Variants in ZNF600 observed in about 807,000 individuals in gnomAD.
ZNF600 encodes zinc finger protein 600, also known as zinc finger protein KR-ZNF1.
In ZNF600, 4 loss-of-function variants were observed where a neutral mutation model predicts 7.3. The observed-to-expected ratio is 0.55, with a 90% CI of 0.27 to 1.25. The LOEUF (loss-of-function observed/expected upper bound fraction) is 1.25, where lower values mean the gene tolerates loss of function less well. Among genes scored for constraint, ZNF600 ranks in the 50% most tolerant of loss-of-function variants. The pLI is 0.12. For synonymous variants in ZNF600, 290 were observed against 308.9 expected (o/e 0.94, Z 0.64); for missense variants, 911 against 922.1 (o/e 0.99, Z 0.16).
the ZNF600 span, chr19:52,801,228 C>T: frequency 1.5e-4 from 250 of 1,613,890 alleles, no homozygotes; most frequent in Non-Finnish European, 1.9e-4. Context: ...GTGTACATTC[C>T]GTTTTTGTGT....
At chr19:52,804,343 T>G in the ZNF600 span, among the ~76,000 whole-genome samples, 4 of 152,186 alleles carry the variant, frequency 2.6e-5, no homozygotes, top group Non-Finnish European at 5.9e-5. Flanking sequence ...TCACCCAGGC[T>G]GGAGTGTAGT....
At chr19:52,801,212 T>C in the ZNF600 span, 1 of 1,614,146 alleles carries the variant, frequency 6.2e-7, no homozygotes, top group South Asian at 1.1e-5. Flanking sequence ...AAGATTTTTC[T>C]CTCATGTGTA....
upstream of ZNF600, among the ~76,000 whole-genome samples, chr19:52,791,092 C>G (rs1160834642): frequency 6.6e-6 from 1 of 152,218 alleles, no homozygotes; most frequent in Non-Finnish European, 1.5e-5. Flanking sequence ...CCTTATAGGT[C>G]TCCTTTTCCA....
At chr19:52,809,546 G>T in the ZNF600 span, among the ~76,000 whole-genome samples, 5 of 152,272 alleles carry the variant, frequency 3.3e-5, no homozygotes, top group African/African-American at 1.2e-4. Context: ...GGTGGCTCAC[G>T]CCTGTAATCC....
At chr19:52,811,895 A>T in the ZNF600 span, among the ~76,000 whole-genome samples, 329 of 79,370 alleles carry the variant, frequency 4.1e-3, no homozygotes, top group Middle Eastern at 0.019. Flanking sequence ...GGTGGGGGGG[A>T]CAGCCCCCCG....
At chr19:52,765,419 T>C (rs1175221185) in exon 4 of ZNF600, 15 of 1,085,100 alleles carry the variant, frequency 1.4e-5, no homozygotes. Flanking sequence ...AGTCATGACA[T>C]TTGTAAGGTT....
At chr19:52,787,736 T>G (rs2062777327), upstream of ZNF600, among the ~76,000 whole-genome samples, 1 of 149,858 alleles carries the variant, frequency 6.7e-6, no homozygotes, top group Non-Finnish European at 1.5e-5. Context: ...GGTGGGTGCC[T>G]GTAATCCCAG....
At chr19:52,778,986 G>T in intron 1 of ZNF600, 79 bp from the exon 4 acceptor site, 3 of 1,340,978 alleles carry the variant, frequency 2.2e-6, no homozygotes, top group Non-Finnish European at 3.0e-6. Context: ...GAACAGGGGA[G>T]ACCTCACCCA....
chr19:52,785,182 C>T (rs2147585502), intron 1 of ZNF600, among the ~76,000 whole-genome samples: 1 of 151,992 alleles, frequency 6.6e-6, no homozygotes, highest in East Asian at 1.9e-4. Flanking sequence ...CTGTTTATCC[C>T]CTTCTTCCCT....
At chr19:52,817,980 C>T in the ZNF600 span, 1 of 1,610,902 alleles carries the variant, frequency 6.2e-7, no homozygotes, top group African/African-American at 1.3e-5. Context: ...TTGCTTTCCT[C>T]TTCCTCTTCT....
chr19:52,778,789 A>C, intron 2 of ZNF600, 37 bp downstream of exon 4: 1 of 1,580,794 alleles, frequency 6.3e-7, no homozygotes. Context: ...TCAGAAAGGA[A>C]AGAGACAGAT....
upstream of ZNF600, among the ~76,000 whole-genome samples, chr19:52,787,399 T>A (rs2062773599): frequency 1.4e-5 from 2 of 147,394 alleles, no homozygotes; most frequent in African/African-American, 5.1e-5. Context: ...CTCGCTCTTT[T>A]ACTTTTTTTT....
intron 1 of ZNF600, among the ~76,000 whole-genome samples, chr19:52,783,259 AAAC>A (rs1389407802): frequency 6.6e-6 from 1 of 152,218 alleles, no homozygotes; most frequent in Non-Finnish European, 1.5e-5. Flanking sequence ...TAAACAGAGA[AAAC>A]AACATGTCAT....
chr19:52,779,405 C>T (rs1171627291), intron 1 of ZNF600, among the ~76,000 whole-genome samples: 1 of 152,356 alleles, frequency 6.6e-6, no homozygotes, highest in East Asian at 1.9e-4. Context: ...CCTCTAGACT[C>T]TAATGTGAAG....
the ZNF600 span, among the ~76,000 whole-genome samples, chr19:52,818,393 A>G: frequency 2.0e-5 from 3 of 152,126 alleles, no homozygotes; most frequent in South Asian, 6.2e-4. Context: ...CCTGGCCAAC[A>G]TGGAGAAACC....
At chr19:52,810,280 T>G in the ZNF600 span, 2 of 1,449,652 alleles carry the variant, frequency 1.4e-6, no homozygotes, top group Non-Finnish European at 9.7e-7. Flanking sequence ...ATCACGTCCA[T>G]TGAGGAGAAG....
At chr19:52,786,774 T>G in exon 1 of ZNF600, 1 of 291,614 alleles carries the variant, frequency 3.4e-6, no homozygotes, top group Non-Finnish European at 7.2e-6. Context: ...GCTTCCGGGT[T>G]TGTGCGCGCC....
chr19:52,777,439 G>A (rs781690207), intron 2 of ZNF600, among the ~76,000 whole-genome samples: 17 of 151,996 alleles, frequency 1.1e-4, no homozygotes, highest in Non-Finnish European at 2.4e-4. Flanking sequence ...AATTTGGGAG[G>A]CCAAGGTGGG....
At chr19:52,810,684 G>T in the ZNF600 span, 1 of 850,488 alleles carries the variant, frequency 1.2e-6, no homozygotes, top group Non-Finnish European at 2.0e-6. Context: ...GGGCTAGAGC[G>T]ACATCACGGT....
Sources: gnomAD v4.1 joint callset for allele counts (sites outside exome capture counted in the v4.1 genomes callset) on GRCh38, gnomAD v4.1.1 for gene constraint, MANE v1.5 for transcripts, NCBI Gene and HGNC (gene_info 2026-07-23, HGNC 2026-07-21) for gene names.